Variants in AKAP13 observed in about 807,000 individuals in gnomAD.
AKAP13 encodes A-kinase anchoring protein 13.
Under a neutral mutation model 264.5 loss-of-function variants are expected in AKAP13, and 80 were observed. The observed-to-expected ratio is 0.30, with a 90% CI of 0.25 to 0.36. The LOEUF (loss-of-function observed/expected upper bound fraction) is 0.36. AKAP13 is among the 10% of genes least tolerant of loss of function. AKAP13 has a pLI of 1.00. For synonymous variants in AKAP13, 1,380 were observed against 1,250.2 expected (o/e 1.10, Z -2.19); for missense variants, 3,712 against 3,435.2 (o/e 1.08, Z -2.01).
At chr15:85,391,853 C>T (rs936952793) in intron 1 of AKAP13, among the ~76,000 whole-genome samples, 13 of 151,964 alleles carry the variant, frequency 8.6e-5, no homozygotes, top group Admixed American at 2.0e-4. Flanking sequence ...GGTGCGATCT[C>T]GGCTCACTGC....
At chr15:85,609,985 T>C (rs934942000) in intron 8 of AKAP13, among the ~76,000 whole-genome samples, 2 of 152,238 alleles carry the variant, frequency 1.3e-5, no homozygotes, top group Non-Finnish European at 2.9e-5. Flanking sequence ...ATACAGTTGC[T>C]CCTGCTGTAT....
At chr15:85,689,381 C>T (rs1354023835) in intron 16 of AKAP13, among the ~76,000 whole-genome samples, 1 of 152,156 alleles carries the variant, frequency 6.6e-6, no homozygotes, top group Non-Finnish European at 1.5e-5. Flanking sequence ...ATCATGTTTT[C>T]ACAGTTGTCC....
In AKAP13 at chr15:85,567,622, C is replaced by T. The variant is rs569765525; in HGVS notation, c.663-7509C>T. ...ATGTTGAGAAGTCAGTTTGTAACCT[C>T]ATTGGTCTCCATTCCCACATTCCTC... On this transcript the variant is annotated intron_variant, in intron 5 of 36. Transcript: ENST00000394518. 4.6e-5 allele frequency among the ~76,000 whole-genome samples: 7 copies of T among 152,282 alleles called. No individual in the cohort carries two copies. In the South Asian group the frequency reaches 1.5e-3, roughly 32 times the overall value.
At position 85,580,523 on chromosome 15, in the gene AKAP13, C is replaced by T. The variant is rs374305974; in HGVS notation, c.2455C>T (p.His819Tyr). 4.3e-6 allele frequency: 7 copies of T among 1,614,098 alleles called. No individual in the cohort carries two copies. Among genetic ancestry groups the T allele is most frequent in the South Asian group, 1.1e-5 (1 of 91,092 alleles). Residue 819 changes from histidine (H) to tyrosine (Y), a missense_variant, in exon 7 of 37, where the codon CAT becomes TAT. By Grantham distance (83) the His-to-Tyr change is moderately conservative. This residue lies in a region of AKAP13 where 2,759 missense variants were observed against 2,411.7 expected (regional missense o/e 1.14). Transcript: ENST00000394518. Reference sequence around the variant, plus strand: ...AAAGGGAACAGCAACTCCTGAACTACATACAGCTACAGATTATAGAGATGG... The same window carrying T: ...AAAGGGAACAGCAACTCCTGAACTATATACAGCTACAGATTATAGAGATGG... ...KEKGTATPELHTATDYRDGPD... is the reference protein window; with the variant it reads ...KEKGTATPELYTATDYRDGPD...
At chr15:85,483,916 A>T (rs1415324937) in intron 1 of AKAP13, among the ~76,000 whole-genome samples, 1 of 152,200 alleles carries the variant, frequency 6.6e-6, no homozygotes, top group Non-Finnish European at 1.5e-5. Context: ...GGCGCAACAC[A>T]ATTCTTCTTC....
chr15:85,722,190 T>G, intron 24 of AKAP13, 40 bp from the exon 25 acceptor site: 1 of 1,609,278 alleles, frequency 6.2e-7, no homozygotes, highest in Non-Finnish European at 8.5e-7. Context: ...ACTAGAGCCT[T>G]TTTCATGTGA....
chr15:85,402,142 A>G (rs548274123), intron 1 of AKAP13, among the ~76,000 whole-genome samples: 1 of 152,304 alleles, frequency 6.6e-6, no homozygotes, highest in East Asian at 1.9e-4. Flanking sequence ...GTTTTCCCCA[A>G]AAAGTATCCT....
At chr15:85,666,268 G>T (rs959640645) in intron 13 of AKAP13, among the ~76,000 whole-genome samples, 9 of 152,174 alleles carry the variant, frequency 5.9e-5, no homozygotes, top group African/African-American at 2.2e-4. Context: ...GCATTTCTCT[G>T]ATGGCCAGTG....
Position 85,639,262 on chromosome 15 carries a change from C to A in AKAP13, c.4162-112C>A. The A allele has an allele frequency of 4.0e-6, 3 of 746,072 alleles. No individual in the cohort carries two copies. In the South Asian group the frequency reaches 4.9e-5, roughly 12 times the overall value. 46.2% of individuals were successfully genotyped at this position (746,072 alleles called of 1,614,324 possible). ...TTCCCTTGACATAAGTTTGCTCACC[C>A]TGTATTAAAGAAAAAGATAGGAATG... On this transcript the variant is annotated intron_variant, in intron 8 of 36. Coordinates refer to ENST00000394518, the MANE Select transcript of AKAP13 (RefSeq NM_007200.5).
rs75155904 is a variant in AKAP13, at chr15:85,421,179, C to T, written c.-12+40381C>T. Among the ~76,000 whole-genome samples the T allele has an allele frequency of 2.1e-3, 321 of 152,262 alleles. 3 individuals carry two copies. Among genetic ancestry groups the T allele is most frequent in the African/African-American group, 7.4e-3 (308 of 41,534 alleles). On this transcript the variant is annotated intron_variant, in intron 1 of 36. Transcript: ENST00000394518. ...GAAATCTCCAGGTGTCAAAACAGTC[C>T]AAGGCACATATAATTAGAATAAATT... is the stretch of plus-strand genomic sequence containing the variant.
At chr15:85,648,820 CAGAGCA>C (rs2082677499) in intron 10 of AKAP13, among the ~76,000 whole-genome samples, 5 of 152,184 alleles carry the variant, frequency 3.3e-5, no homozygotes, top group Non-Finnish European at 7.3e-5. Context: ...GCCTGGGCGA[CAGAGCA>C]AGACCCTGTC....
chr15:85,492,419 A>G (rs1344507495), intron 2 of AKAP13, among the ~76,000 whole-genome samples: 1 of 152,258 alleles, frequency 6.6e-6, no homozygotes, highest in Admixed American at 6.5e-5. Context: ...CAGAGAAGTT[A>G]CAAGAAGAAT....
rs35930051 is a variant in AKAP13 at position 85,579,559 on chromosome 15, G to A, written c.1491G>A (p.Val497=). ...MNPDATVWKN[V]LQGGESTKER... ...CAGATGCCACTGTTTGGAAGAATGT[G>A]CTTCAGGGAGGGGAAAGTACAAAGG... The change falls in exon 7 of 37, where the codon GTG becomes GTA. Residue 497 remains valine, a synonymous_variant. Coordinates refer to ENST00000394518, the MANE Select transcript of AKAP13 (RefSeq NM_007200.5). 2.6e-3 allele frequency: 4,227 copies of A among 1,614,172 alleles called. 107 individuals are homozygous for A. The African/African-American group carries it at 0.05, about 19-fold the overall frequency.
At chr15:85,435,459 C>A (rs1283293433) in intron 1 of AKAP13, among the ~76,000 whole-genome samples, 2 of 103,762 alleles carry the variant, frequency 1.9e-5, no homozygotes, top group Non-Finnish European at 3.9e-5. Flanking sequence ...TCAGGAAATA[C>A]AGAGAATGCC....
intron 2 of AKAP13, among the ~76,000 whole-genome samples, chr15:85,517,294 C>G (rs1199965916): frequency 6.6e-6 from 1 of 152,120 alleles, no homozygotes; most frequent in African/African-American, 2.4e-5. Flanking sequence ...CCATTCATCC[C>G]TGCACTGTAA....
At position 85,580,656 on chromosome 15, in the gene AKAP13, CCA is replaced by C; in HGVS notation, c.2589_2590del (p.Leu865HisfsTer8). 1 of 1,614,198 alleles carries C rather than the reference CCA, an allele frequency of 6.2e-7. No individual in the cohort carries two copies. The highest frequency in any genetic ancestry group is 8.5e-7 in the Non-Finnish European group (1 of 1,180,022). ...GAGCTTCAGCACGGGATGGGGAATA[CCA>C]GTCTCACAGGACTTGGTGGAGAGCA... On this transcript the variant is annotated frameshift_variant, in exon 7 of 37. Coordinates refer to ENST00000394518, the MANE Select transcript of AKAP13 (RefSeq NM_007200.5). LOFTEE classifies it high-confidence loss of function.
intron 5 of AKAP13, among the ~76,000 whole-genome samples, chr15:85,548,182 C>T (rs2077822593): frequency 6.6e-6 from 1 of 152,208 alleles, no homozygotes; most frequent in South Asian, 2.1e-4. Flanking sequence ...CAGCTAGTGA[C>T]TAGGTGTGCA....
At chr15:85,451,690 G>GC (rs757400734) in intron 1 of AKAP13, among the ~76,000 whole-genome samples, 2 of 152,200 alleles carry the variant, frequency 1.3e-5, no homozygotes, top group Admixed American at 1.3e-4. Context: ...TTGAATATAG[G>GC]CCCCCAGTCT....
chr15:85,687,913 A>G (rs1163437383), intron 16 of AKAP13, among the ~76,000 whole-genome samples: 1 of 151,792 alleles, frequency 6.6e-6, no homozygotes, highest in African/African-American at 2.4e-5. Flanking sequence ...AGTGGCACAC[A>G]CCTGTAGTCC....
Sources: allele counts gnomAD v4.1 joint callset (sites outside exome capture counted in the v4.1 genomes callset), GRCh38; gene constraint gnomAD v4.1.1; regional missense constraint gnomAD v4.1.1; transcripts MANE v1.5; gene names NCBI Gene and HGNC (gene_info 2026-07-23, HGNC 2026-07-21).